COQ8A: variants seen among roughly 807,000 people sequenced by gnomAD.
COQ8A encodes coenzyme Q8A, also known as atypical kinase COQ8A, mitochondrial.
Under a neutral mutation model 65.0 loss-of-function variants are expected in COQ8A, and 51 were observed. That is an observed-to-expected ratio of 0.78 (90% CI 0.63 to 0.99). The LOEUF is 0.99. COQ8A is among the 50% of genes least tolerant of loss of function. The probability of loss-of-function intolerance (pLI) is 0.00; values close to 1 mark genes in which losing one functional copy is unlikely to be tolerated. For synonymous variants in COQ8A, 371 were observed against 353.2 expected, an observed-to-expected ratio of 1.05 and a Z score of -0.57; for missense variants, 940 against 875.0, an observed-to-expected ratio of 1.07 and a Z score of -0.94.
intron 1 of COQ8A, among the ~76,000 whole-genome samples, chr1:226,954,297 G>C (rs1218993166): frequency 6.6e-6 from 1 of 152,276 alleles, no homozygotes; most frequent in Admixed American, 6.5e-5. Flanking sequence ...AGACTCTTGG[G>C]AAGAGGGTTT....
intron 1 of COQ8A, among the ~76,000 whole-genome samples, chr1:226,943,862 C>G (rs1656838300): frequency 6.6e-6 from 1 of 152,132 alleles, no homozygotes; most frequent in Non-Finnish European, 1.5e-5. Context: ...GCCTGTGGGT[C>G]TTTGAAGTGG....
intron 1 of COQ8A, among the ~76,000 whole-genome samples, chr1:226,947,495 T>C (rs1446863571): frequency 6.6e-6 from 1 of 152,162 alleles, no homozygotes; most frequent in Non-Finnish European, 1.5e-5. Flanking sequence ...GAAGTAAAAG[T>C]GTTTTGAAAG....
rs1657023069 is a variant in COQ8A at position 226,946,039 on chromosome 1, A to G, written c.-10+5640A>G. On this transcript the variant is annotated intron_variant, in intron 1 of 14. Coordinates refer to ENST00000366777, the MANE Select transcript of COQ8A (RefSeq NM_020247.5). The surrounding 1 kb of genome is among the most constrained non-coding windows in gnomAD (Gnocchi z 5.3). ...TCCTGGGCTCTCGATGAGGGAGCTC[A>G]GGAAGCCACGGAGCCTGGGTGCCTG... 1.3e-5 allele frequency among the ~76,000 whole-genome samples: 2 copies of G among 152,172 alleles called. No individual in the cohort carries two copies. Among genetic ancestry groups the G allele is most frequent in the African/African-American group, 4.8e-5 (2 of 41,452 alleles).
chr1:226,962,587 G>GTCTGT (rs1160375197), intron 2 of COQ8A, among the ~76,000 whole-genome samples: 1 of 152,204 alleles, frequency 6.6e-6, no homozygotes, highest in Non-Finnish European at 1.5e-5. Flanking sequence ...CTCCTTCCAC[G>GTCTGT]TCTGTTCTGT....
At chr1:226,963,243 C>G (rs1572042888) in intron 2 of COQ8A, among the ~76,000 whole-genome samples, 1 of 152,204 alleles carries the variant, frequency 6.6e-6, no homozygotes, top group African/African-American at 2.4e-5. Flanking sequence ...GCAGGGTAGG[C>G]ACCGGAGCAG....
chr1:226,981,860 A>G (rs1572077243), intron 5 of COQ8A, among the ~76,000 whole-genome samples, 167 bp from the exon 6 acceptor site: 1 of 152,166 alleles, frequency 6.6e-6, no homozygotes, highest in South Asian at 2.1e-4. Context: ...TGTGGCTCAC[A>G]CAGGCTTGGG....
chr1:226,940,706 C>G (rs1359986054), intron 1 of COQ8A: 2 of 152,542 alleles, frequency 1.3e-5, no homozygotes, highest in Non-Finnish European at 2.9e-5. Flanking sequence ...CTTGCCCGAC[C>G]GCCTTCCCGC....
intron 8 of COQ8A, 50 bp downstream of exon 8, chr1:226,983,084 A>G: frequency 6.5e-7 from 1 of 1,547,644 alleles, no homozygotes. Flanking sequence ...TGCAAGGGGC[A>G]GAGCTGGGGC....
chr1:226,983,690 G>A, intron 9 of COQ8A, 57 bp downstream of exon 9: 3 of 1,612,404 alleles, frequency 1.9e-6, no homozygotes, highest in Non-Finnish European at 2.5e-6. Flanking sequence ...ATCTGTGTTG[G>A]GTTCTGGGGA....
In COQ8A at chr1:226,987,523, T is replaced by TAAA. The variant is rs1660190822; in HGVS notation, c.*789_*791dup. ...GAATCAACAACTTGTTTCAATTTAA[T>TAAA]AAAAATGCTCATGGGAAGTGCTTTG... On this transcript the variant is annotated 3_prime_UTR_variant, in exon 15 of 15. Transcript: ENST00000366777. 6.9e-6 allele frequency: 1 copy of TAAA among 145,884 alleles called. No homozygotes were observed. Among genetic ancestry groups the TAAA allele is most frequent in the African/African-American group, 2.4e-5 (1 of 40,862 alleles). 9.0% of individuals were successfully genotyped at this position (145,884 alleles called of 1,614,324 possible).
At chr1:226,943,409 TTC>T (rs1439391756) in intron 1 of COQ8A, among the ~76,000 whole-genome samples, 1 of 152,074 alleles carries the variant, frequency 6.6e-6, no homozygotes, top group Non-Finnish European at 1.5e-5. Context: ...AGTGAGTGAG[TTC>T]GAGGGTCCTG....
At position 226,966,762 on chromosome 1, in the gene COQ8A, A is replaced by G. The variant is rs572830797; in HGVS notation, c.655+1025A>G. ...ACATGCTGTTCCTCCGCTCCTGCCT[A>G]TTCTCTTTTGGAAACCCCATCCTAC... On this transcript the variant is annotated intron_variant, in intron 4 of 14. Coordinates refer to ENST00000366777, the MANE Select transcript of COQ8A (RefSeq NM_020247.5). Among the ~76,000 whole-genome samples, 11 of 152,124 alleles carry G rather than the reference A, an allele frequency of 7.2e-5. No individual in the cohort carries two copies. The East Asian group carries it at 1.4e-3, about 19-fold the overall frequency.
intron 4 of COQ8A, among the ~76,000 whole-genome samples, chr1:226,967,182 C>A (rs974790028): frequency 1.2e-4 from 19 of 152,164 alleles, no homozygotes; most frequent in African/African-American, 4.6e-4. Context: ...GGTCCTTATC[C>A]CCTGGAAGAC....
At chr1:226,980,480 C>T (rs1312562034) in intron 5 of COQ8A, among the ~76,000 whole-genome samples, 2 of 152,210 alleles carry the variant, frequency 1.3e-5, no homozygotes, top group African/African-American at 4.8e-5. Flanking sequence ...TCTGCCTGCC[C>T]CTCCCCAGGG....
chr1:226,978,279 G>T (rs553280019), intron 5 of COQ8A, among the ~76,000 whole-genome samples: 1 of 101,076 alleles, frequency 9.9e-6, no homozygotes, highest in Non-Finnish European at 2.1e-5. Flanking sequence ...CTGAACACCC[G>T]CACACCTCCT....
In COQ8A at chr1:226,965,043, G is replaced by C; in HGVS notation, c.221G>C (p.Gly74Ala). ...HEEYFAENFG[G>A]PEGEFHFSVP... Reference sequence around the variant, plus strand: ...GAATATTTTGCTGAGAACTTCGGCGGCCCAGAAGGGGAGTTCCACTTCTCA... The same window carrying C: ...GAATATTTTGCTGAGAACTTCGGCGCCCCAGAAGGGGAGTTCCACTTCTCA... The change falls in exon 3 of 15, where the codon GGC (glycine) becomes GCC (alanine). Residue 74 changes from glycine (G) to alanine (A), a missense_variant. Transcript: ENST00000366777. The C allele has an allele frequency of 1.2e-6, 2 of 1,614,046 alleles. No homozygotes were observed. The highest frequency in any genetic ancestry group is 2.2e-5 in the South Asian group (2 of 91,088).
intron 4 of COQ8A, among the ~76,000 whole-genome samples, chr1:226,977,115 C>G (rs1272192392): frequency 6.6e-6 from 1 of 152,138 alleles, no homozygotes; most frequent in Non-Finnish European, 1.5e-5. Context: ...GGTCCGTCTT[C>G]CCATTTGTGC....
chr1:226,951,314 G>A (rs757300333), intron 1 of COQ8A, among the ~76,000 whole-genome samples: 6 of 152,220 alleles, frequency 3.9e-5, no homozygotes, highest in African/African-American at 1.4e-4. Context: ...ACAACGTGGA[G>A]GGGAATGCGG....
Position 226,983,767 on chromosome 1 carries a change from TC to T in COQ8A, c.1173del (p.Glu392SerfsTer3), listed in dbSNP as rs1659867893. On this transcript the variant is annotated frameshift_variant, in exon 10 of 15. Coordinates refer to ENST00000366777, the MANE Select transcript of COQ8A (RefSeq NM_020247.5). LOFTEE classifies it high-confidence loss of function. ...GCCCTCCTCCCTGGCCCAGGCCTGT[TC>T]CCCGAGCACCTGATCGACGTGCTGA... The part of the protein sequence containing the change: ...NMSNMLPEGL[F>X]PEHLIDVLRR... 1 of 1,612,978 alleles carries T rather than the reference TC, an allele frequency of 6.2e-7. No individual in the cohort carries two copies. Among genetic ancestry groups the T allele is most frequent in the South Asian group, 1.1e-5 (1 of 91,056 alleles).
Sources: gnomAD v4.1 joint callset for allele counts (sites outside exome capture counted in the v4.1 genomes callset) on GRCh38, gnomAD v4.1.1 for gene constraint, Gnocchi (gnomAD v3.1) non-coding constraint, MANE v1.5 for transcripts, NCBI Gene and HGNC (gene_info 2026-07-23, HGNC 2026-07-21) for gene names.